Variants in KCP observed in about 807,000 individuals in gnomAD.
The protein encoded by KCP is kielin cysteine rich BMP regulator, also known as kielin/chordin-like protein.
In KCP, 194 loss-of-function variants were observed where a neutral mutation model predicts 212.7. That is an observed-to-expected ratio of 0.91 (90% confidence interval 0.81 to 1.03). The LOEUF is 1.03. KCP is among the 50% of genes least tolerant of loss of function. The pLI is 0.00. For synonymous variants in KCP, 833 were observed against 865.3 expected (o/e 0.96, Z 0.65); for missense variants, 2,080 against 2,162.5 (o/e 0.96, Z 0.76).
At chr7:128,886,820 G>A in intron 24 of KCP, 56 bp downstream of exon 24, 1 of 1,417,024 alleles carries the variant, frequency 7.1e-7, no homozygotes, top group Non-Finnish European at 9.7e-7. Context: ...AGGAAGGGAA[G>A]GGGGAGGGAG....
chr7:128,880,253 G>T, intron 34 of KCP, 133 bp downstream of exon 34: 1 of 1,324,646 alleles, frequency 7.5e-7, no homozygotes, highest in Non-Finnish European at 1.0e-6. Context: ...GTCGCACTGG[G>T]AACAGCACTG....
intron 8 of KCP, among the ~76,000 whole-genome samples, chr7:128,901,572 G>A (rs1394003845): frequency 1.3e-5 from 2 of 151,896 alleles, no homozygotes; most frequent in African/African-American, 4.8e-5. Context: ...CTTGCCGTGA[G>A]CCAAGATCAC....
At position 128,890,412 on chromosome 7, in the gene KCP, C is replaced by T. The variant is rs972015761; in HGVS notation, c.2266G>A (p.Glu756Lys). Reference sequence around the variant, plus strand: ...AGTGCAGGGGCACATGCCTTGGGCTCGCAGCTCACGCTGCCCTCCCAGCAA... The same window carrying T: ...AGTGCAGGGGCACATGCCTTGGGCTTGCAGCTCACGCTGCCCTCCCAGCAA... ...CLCWEGSVSC[E>K]PKACAPALCP... is the part of the protein sequence containing the mutation. The change falls in exon 21 of 40, where the codon GAG (glutamate) becomes AAG (lysine). Residue 756 changes from glutamate to lysine, a missense_variant. Physicochemically the swap from Glu to Lys is moderately conservative, Grantham distance 56 (BLOSUM62 1). Coordinates refer to ENST00000610776, the MANE Select transcript of KCP (RefSeq NM_001366122.1). 19 of 1,551,050 alleles carry T rather than the reference C, an allele frequency of 1.2e-5. No homozygotes were observed. In the African/African-American group the frequency reaches 1.4e-4, roughly 11 times the overall value.
At position 128,894,023 on chromosome 7, in the gene KCP, C is replaced by T. The variant is rs547821865; in HGVS notation, c.958G>A (p.Gly320Arg). The change falls in exon 10 of 40, where the codon GGG becomes AGG. Residue 320 changes from glycine to arginine, a missense_variant. Physicochemically the swap from Gly to Arg is moderately radical, Grantham distance 125. Transcript: ENST00000610776. ...CFLNGREHRS[G>R]EPVGSGDPCS... ...GGGTCCCCTGAGCCCACAGGCTCCC[C>T]GCTGCGGTGCTCCCGCCCGTTTAGG... 2.5e-5 allele frequency: 38 copies of T among 1,550,140 alleles called. No homozygotes were observed. Among genetic ancestry groups the T allele is most frequent in the South Asian group, 8.3e-5 (7 of 84,004 alleles).
intron 6 of KCP, 94 bp downstream of exon 6, chr7:128,903,962 T>G: frequency 1.5e-6 from 2 of 1,357,364 alleles, no homozygotes; most frequent in Non-Finnish European, 2.1e-6. Flanking sequence ...TCGGGAGGCA[T>G]GTGAGGGGGC....
At chr7:128,908,737 G>A (rs1299725702) in intron 1 of KCP, among the ~76,000 whole-genome samples, 169 bp from the exon 2 acceptor site, 4 of 152,364 alleles carry the variant, frequency 2.6e-5, no homozygotes, top group African/African-American at 9.6e-5. Flanking sequence ...AGGCTGAAAC[G>A]CAGGGGAAGG....
At chr7:128,890,584 T>TGAGGG in intron 20 of KCP, 71 bp from the exon 21 acceptor site, 4 of 950,996 alleles carry the variant, frequency 4.2e-6, no homozygotes, top group Non-Finnish European at 5.1e-6. Flanking sequence ...GTCGTGGGGT[T>TGAGGG]GAGGGGCGTG....
chr7:128,895,949 C>G (rs977943675), intron 8 of KCP, among the ~76,000 whole-genome samples: 1 of 152,190 alleles, frequency 6.6e-6, no homozygotes, highest in Admixed American at 6.5e-5. Flanking sequence ...CCTTTACTTT[C>G]CTAATAAACT....
rs771858410 is a variant in KCP at position 128,889,055 on chromosome 7, CAG to C, written c.2336-18_2336-17del. 6.8e-6 allele frequency: 10 copies of C among 1,478,460 alleles called. No individual in the cohort carries two copies. Among genetic ancestry groups the C allele is most frequent in the African/African-American group, 2.8e-5 (2 of 70,192 alleles). The allele number at this position is 1,478,460 out of a possible 1,614,324, so 91.6% of individuals were successfully genotyped here. ...TACTCACAGCCTTTCAGAGAAGAGA[CAG>C]AGAGGCCGAGGGGAGGGACAGAAAG... On this transcript the variant is annotated splice_polypyrimidine_tract_variant and intron_variant, in intron 21 of 39. Coordinates refer to ENST00000610776, the MANE Select transcript of KCP (RefSeq NM_001366122.1).
chr7:128,892,589 A>G lies in KCP; in HGVS notation c.1546T>C (p.Ser516Pro). The change falls in exon 16 of 40, where the codon TCC becomes CCC. Residue 516 changes from serine (S) to proline (P), a missense_variant. Transcript: ENST00000610776. ...GTCGTGGGAGGGCAGTCAACCAAGG[A>G]GCATGTCACAGTTCCATCCTGCGAG... Reference protein sequence around the residue: ...CHCQDGTVTCSLVDCPPTTCA... With the variant: ...CHCQDGTVTCPLVDCPPTTCA... 1.9e-6 allele frequency: 3 copies of G among 1,550,856 alleles called. No homozygotes were observed. Among genetic ancestry groups the G allele is most frequent in the South Asian group, 2.4e-5 (2 of 83,992 alleles).
intron 8 of KCP, among the ~76,000 whole-genome samples, chr7:128,895,859 A>G (rs1794487236): frequency 6.6e-6 from 1 of 152,224 alleles, no homozygotes; most frequent in Non-Finnish European, 1.5e-5. Flanking sequence ...TGTTTAGCAT[A>G]TCATCAATAA....
intron 29 of KCP, among the ~76,000 whole-genome samples, chr7:128,882,645 CCCTGATGGATG>C (rs1358775757): frequency 2.0e-5 from 3 of 152,164 alleles, no homozygotes; most frequent in Non-Finnish European, 4.4e-5. Flanking sequence ...GAGCAGCCCT[CCCTGATGGATG>C]CCAGGGATGA....
chr7:128,881,797 G>T, intron 30 of KCP, 72 bp from the exon 31 acceptor site: 1 of 1,402,488 alleles, frequency 7.1e-7, no homozygotes, highest in Non-Finnish European at 9.8e-7. Flanking sequence ...GGCATAGGCA[G>T]GATGTGACAG....
At chr7:128,881,886 CAG>C in intron 30 of KCP, 49 bp downstream of exon 30, 1 of 1,520,170 alleles carries the variant, frequency 6.6e-7, no homozygotes. Context: ...CCACAGCCCA[CAG>C]AGAAGGAAGA....
chr7:128,902,802 T>C lies in KCP; in HGVS notation c.806A>G (p.Asp269Gly). 1 of 1,551,328 alleles carries C rather than the reference T, an allele frequency of 6.4e-7. No homozygotes were observed. Among genetic ancestry groups the C allele is most frequent in the Non-Finnish European group, 8.7e-7 (1 of 1,146,994 alleles). ...CAGGCACCGGCAGATTCGGCAGGGG[T>C]CCCCAGGTGTTGTCCACTCTTGGCC... is the stretch of plus-strand genomic sequence containing the variant. ...EHGQEWTTPG[D>G]PCRICRCLEG... The change falls in exon 8 of 40, where the codon GAC becomes GGC. Residue 269 changes from aspartate (D) to glycine (G), a missense_variant. Physicochemically the swap from Asp to Gly is moderately conservative, Grantham distance 94. Coordinates refer to ENST00000610776, the MANE Select transcript of KCP (RefSeq NM_001366122.1).
At chr7:128,896,214 C>T (rs955194369) in intron 8 of KCP, among the ~76,000 whole-genome samples, 3 of 152,204 alleles carry the variant, frequency 2.0e-5, no homozygotes, top group African/African-American at 7.2e-5. Flanking sequence ...GCAGCACTGA[C>T]TGGCGGACTG....
At chr7:128,882,797 G>A (rs1265517932) in intron 29 of KCP, among the ~76,000 whole-genome samples, 2 of 152,192 alleles carry the variant, frequency 1.3e-5, no homozygotes, top group African/African-American at 4.8e-5. Flanking sequence ...AGAAAAGTCG[G>A]CGAGGTGGCT....
At chr7:128,909,094 A>G (rs1486518038) in intron 1 of KCP, among the ~76,000 whole-genome samples, 1 of 152,168 alleles carries the variant, frequency 6.6e-6, no homozygotes, top group African/African-American at 2.4e-5. Context: ...CCCTGCTTCT[A>G]GAAGACACTA....
chr7:128,901,171 A>C (rs1030054444), intron 8 of KCP, among the ~76,000 whole-genome samples: 1 of 152,204 alleles, frequency 6.6e-6, no homozygotes. Context: ...TGCCATGGCA[A>C]TGTCAGGAAG....
Sources: allele counts gnomAD v4.1 joint callset (sites outside exome capture counted in the v4.1 genomes callset), GRCh38; gene constraint gnomAD v4.1.1; transcripts MANE v1.5; gene names NCBI Gene and HGNC (gene_info 2026-07-23, HGNC 2026-07-21).